The following RAB37 variants were observed in gnomAD, a reference collection of about 807,000 sequenced individuals.
The protein encoded by RAB37 is ras-related protein Rab-37.
In RAB37, 29 loss-of-function variants were observed where a neutral mutation model predicts 33.1. The ratio of observed to expected loss-of-function variants is 0.88; its 90% CI spans 0.65 to 1.20. The LOEUF is 1.20. RAB37 is among the 50% of genes most tolerant of loss of function. The pLI is 0.00. For missense variants in RAB37, 299 were observed against 301.1 expected, an observed-to-expected ratio of 0.99 and a Z score of 0.05; for synonymous variants, 128 against 119.5, an observed-to-expected ratio of 1.07 and a Z score of -0.47.
chr17:74,681,042 T>C (rs2031944522), intron 1 of RAB37, among the ~76,000 whole-genome samples: 1 of 152,108 alleles, frequency 6.6e-6, no homozygotes, highest in Non-Finnish European at 1.5e-5. Context: ...CACATGCCAG[T>C]CCCCAGGAAC....
intron 1 of RAB37, among the ~76,000 whole-genome samples, chr17:74,692,958 G>A (rs1441208622): frequency 6.6e-6 from 1 of 152,184 alleles, no homozygotes; most frequent in African/African-American, 2.4e-5. Context: ...GGGGGATATG[G>A]GAGTGAATGA....
chr17:74,695,114 G>A (rs1322236545), intron 1 of RAB37: 15 of 1,614,058 alleles, frequency 9.3e-6, no homozygotes, highest in Non-Finnish European at 1.3e-5. Flanking sequence ...TGCTGATGGT[G>A]CTGTATTCCG....
chr17:74,713,934 G>A (rs972180245), intron 1 of RAB37, among the ~76,000 whole-genome samples: 3 of 138,228 alleles, frequency 2.2e-5, no homozygotes, highest in Non-Finnish European at 4.6e-5. Flanking sequence ...AAAAAGTCAG[G>A]CATGGTGGCT....
At chr17:74,675,249 A>G (rs2031801918) in intron 1 of RAB37, among the ~76,000 whole-genome samples, 1 of 152,108 alleles carries the variant, frequency 6.6e-6, no homozygotes, top group Non-Finnish European at 1.5e-5. Context: ...ATCCTGGCCA[A>G]CATGGTGAAA....
intron 1 of RAB37, among the ~76,000 whole-genome samples, chr17:74,713,631 T>A (rs1260503821): frequency 4.6e-5 from 7 of 151,764 alleles, no homozygotes; most frequent in Admixed American, 4.6e-4. Context: ...GAGCTTCAGG[T>A]GTAGCCAGAT....
intron 1 of RAB37, among the ~76,000 whole-genome samples, chr17:74,740,156 C>CA (rs564625691): frequency 3.6e-4 from 35 of 96,586 alleles, no homozygotes; most frequent in East Asian, 5.9e-4. Flanking sequence ...AACTCCATCT[C>CA]AAAAAAAAAA....
chr17:74,682,415 CA>C (rs2031973253), intron 1 of RAB37, among the ~76,000 whole-genome samples: 1 of 152,162 alleles, frequency 6.6e-6, no homozygotes, highest in Admixed American at 6.6e-5. Context: ...ACAGCAGCCC[CA>C]GGATCACATC....
intron 1 of RAB37, among the ~76,000 whole-genome samples, chr17:74,715,686 C>G (rs1352436009): frequency 6.6e-6 from 1 of 152,138 alleles, no homozygotes; most frequent in Non-Finnish European, 1.5e-5. Context: ...TGATCGTGGC[C>G]TCTCCCAGAC....
intron 1 of RAB37, chr17:74,704,291 C>G (rs928967540): frequency 3.2e-5 from 19 of 592,992 alleles, no homozygotes; most frequent in Admixed American, 9.1e-5. Flanking sequence ...GGAGGGAGCC[C>G]TGGGAGCCAT....
Position 74,744,430 on chromosome 17 carries a change from C to A in RAB37, c.432+57C>A. On this transcript the variant is annotated intron_variant, in intron 6 of 8. Coordinates refer to ENST00000392613, the MANE Select transcript of RAB37 (RefSeq NM_001006638.3). The surrounding 1 kb of genome is among the most constrained non-coding windows in gnomAD (Gnocchi z 4.2). ...CCTGCACTTCCTCAGCCCTAGCCGG[C>A]CCCATAACCACCCAAGAACAGTTAT... is the stretch of plus-strand genomic sequence containing the variant. The A allele has an allele frequency of 6.5e-7, 1 of 1,527,922 alleles. No homozygotes were observed. Among genetic ancestry groups the A allele is most frequent in the Non-Finnish European group, 9.1e-7 (1 of 1,101,650 alleles). The allele number at this position is 1,527,922 out of a possible 1,614,324, so 94.6% of individuals were successfully genotyped here. A position where few individuals can be genotyped will look rare whatever the true frequency, so the allele number is the denominator to read the frequency against.
intron 2 of RAB37, among the ~76,000 whole-genome samples, chr17:74,741,277 C>A (rs1322744413): frequency 6.6e-6 from 1 of 152,066 alleles, no homozygotes; most frequent in East Asian, 1.9e-4. Context: ...GAAAGCACAG[C>A]CCTGCACTGG....
At chr17:74,716,784 G>C (rs1489787115) in intron 1 of RAB37, among the ~76,000 whole-genome samples, 3 of 152,112 alleles carry the variant, frequency 2.0e-5, no homozygotes, top group Non-Finnish European at 4.4e-5. Flanking sequence ...AATTGATAAA[G>C]CAGAGAATCC....
chr17:74,735,948 G>A (rs758338803), upstream of RAB37, among the ~76,000 whole-genome samples: 115 of 152,206 alleles, frequency 7.6e-4, 1 homozygote, highest in Non-Finnish European at 1.4e-3. Context: ...GCTCACGCCT[G>A]TAATCCCAGC....
intron 1 of RAB37, among the ~76,000 whole-genome samples, chr17:74,677,751 G>C (rs2031866643): frequency 6.6e-6 from 1 of 152,154 alleles, no homozygotes; most frequent in South Asian, 2.1e-4. Flanking sequence ...GCAGGCAGCT[G>C]GTGTGGGGAG....
At chr17:74,708,179 G>T (rs1337798392) in intron 1 of RAB37, among the ~76,000 whole-genome samples, 1 of 147,348 alleles carries the variant, frequency 6.8e-6, no homozygotes, top group East Asian at 2.0e-4. Context: ...GAAAAAGAAA[G>T]AAAAGAAAAA....
upstream of RAB37, among the ~76,000 whole-genome samples, chr17:74,734,992 GAAGAAAGAAAAAGA>G (rs1184437681): frequency 3.2e-5 from 3 of 92,860 alleles, no homozygotes; most frequent in Admixed American, 1.2e-4. Flanking sequence ...AAAAAGAAAG[GAAGAAAGAAAAAGA>G]AAGGAAGGAA....
At chr17:74,706,023 T>C (rs761821252) in intron 1 of RAB37, among the ~76,000 whole-genome samples, 8 of 152,134 alleles carry the variant, frequency 5.3e-5, no homozygotes, top group Non-Finnish European at 1.2e-4. Context: ...TGTTCTCACT[T>C]ATAAGTGGGA....
In RAB37 at chr17:74,742,256, C is replaced by T; in HGVS notation, c.207C>T (p.Asn69=). 1 of 1,613,292 alleles carries T rather than the reference C, an allele frequency of 6.2e-7. No individual in the cohort carries two copies. ...FIATVGIDFR[N]KVVTVDGVRV... is the part of the protein sequence containing the mutation. The stretch of plus-strand genomic sequence containing the variant: ...TCCTCTGCCTTTTTCTCTTTCAGAA[C>T]AAGGTGGTGACTGTGGATGGCGTGA... The change falls in exon 3 of 9, where the codon AAC becomes AAT. Residue 69 remains asparagine, a splice_region_variant and synonymous_variant. Transcript: ENST00000392613. This position sits in a 1 kb window ranked among gnomAD's most constrained non-coding sequence, Gnocchi z 4.0.
rs1339270595 is a variant in RAB37 at position 74,738,253 on chromosome 17, G to C, written c.93+888G>C. On this transcript the variant is annotated intron_variant, in intron 1 of 8. Coordinates refer to ENST00000392613, the MANE Select transcript of RAB37 (RefSeq NM_001006638.3). The surrounding 1 kb of genome is among the most constrained non-coding windows in gnomAD (Gnocchi z 5.0). ...TTGAAGGAGACCTGCCTCTCTCTGG[G>C]CCTCGGTTTCCTCCCCGACACCAGG... Among the ~76,000 whole-genome samples, 2 of 152,152 alleles carry C rather than the reference G, an allele frequency of 1.3e-5. No individual in the cohort carries two copies. Among genetic ancestry groups the C allele is most frequent in the Non-Finnish European group, 2.9e-5 (2 of 68,026 alleles).
Sources: allele counts gnomAD v4.1 joint callset (sites outside exome capture counted in the v4.1 genomes callset), GRCh38; gene constraint gnomAD v4.1.1; non-coding constraint Gnocchi (gnomAD v3.1); transcripts MANE v1.5; gene names NCBI Gene and HGNC (gene_info 2026-07-23, HGNC 2026-07-21).